LPP: variants seen among roughly 807,000 people sequenced by gnomAD.
LPP encodes lipoma-preferred partner.
A neutral mutation model predicts 60.4 loss-of-function variants in LPP; 38 were observed. The observed-to-expected ratio is 0.63, with a 90% CI of 0.49 to 0.83. LPP has a LOEUF of 0.83. Among genes scored for constraint, LPP ranks in the 40% least tolerant of loss-of-function variants. The pLI, the probability that LPP is intolerant of heterozygous loss-of-function variation, is 0.00. For missense variants in LPP, 902 were observed against 783.6 expected, an observed-to-expected ratio of 1.15 and a Z score of -1.80; for synonymous variants, 328 against 290.8, an observed-to-expected ratio of 1.13 and a Z score of -1.30.
chr3:188,663,094 T>C (rs963173717), intron 7 of LPP, among the ~76,000 whole-genome samples: 5 of 151,980 alleles, frequency 3.3e-5, no homozygotes, highest in African/African-American at 1.2e-4. Flanking sequence ...AAGAAACAAG[T>C]GGGGAGAAAA....
chr3:188,348,940 G>A (rs529465831), intron 3 of LPP, among the ~76,000 whole-genome samples: 1 of 152,316 alleles, frequency 6.6e-6, no homozygotes, highest in East Asian at 1.9e-4. Flanking sequence ...AGACTGGGTT[G>A]AAGGGATCCA....
intron 4 of LPP, among the ~76,000 whole-genome samples, chr3:188,481,345 A>G (rs1000036149): frequency 5.3e-5 from 8 of 152,180 alleles, no homozygotes; most frequent in African/African-American, 1.9e-4. Context: ...AGAACTGAAA[A>G]CTTTGGTCTG....
chr3:188,528,046 G>T (rs889823207), intron 6 of LPP, among the ~76,000 whole-genome samples: 154 of 152,110 alleles, frequency 1.0e-3, no homozygotes, highest in African/African-American at 3.5e-3. Flanking sequence ...GTTTGTCAGG[G>T]AGTAGTTTTA....
At chr3:188,205,331 A>C (rs1297989528) in intron 1 of LPP, among the ~76,000 whole-genome samples, 1 of 122,410 alleles carries the variant, frequency 8.2e-6, no homozygotes, top group Non-Finnish European at 1.6e-5. Context: ...TCCAGGCTGG[A>C]GTGCAATGGT....
chr3:188,598,968 T>C (rs934791192), intron 6 of LPP, among the ~76,000 whole-genome samples: 11 of 152,152 alleles, frequency 7.2e-5, no homozygotes, highest in Admixed American at 5.9e-4. Flanking sequence ...GTCTGGTCCC[T>C]TGAGGAGATG....
intron 1 of LPP, among the ~76,000 whole-genome samples, chr3:188,222,394 T>A (rs1376515914): frequency 6.6e-6 from 1 of 152,198 alleles, no homozygotes; most frequent in Admixed American, 6.5e-5. Context: ...AATTAGTGCA[T>A]ATTGTGTGCA....
chr3:188,452,632 GT>G (rs773679811), intron 4 of LPP, among the ~76,000 whole-genome samples: 118 of 152,128 alleles, frequency 7.8e-4, no homozygotes, highest in Middle Eastern at 3.4e-3. Context: ...AATGCTTTCC[GT>G]TCAGTACTTC....
At chr3:188,779,259 C>CAGACATAT (rs2150829480) in intron 9 of LPP, among the ~76,000 whole-genome samples, 1 of 152,202 alleles carries the variant, frequency 6.6e-6, no homozygotes, top group Non-Finnish European at 1.5e-5. Flanking sequence ...AGGGGTATTG[C>CAGACATAT]AGACATATTC....
intron 5 of LPP, among the ~76,000 whole-genome samples, chr3:188,508,466 T>C (rs1316600381): frequency 6.6e-6 from 1 of 152,224 alleles, no homozygotes; most frequent in Non-Finnish European, 1.5e-5. Flanking sequence ...GAATAATGCA[T>C]TGCTATAATT....
At chr3:188,661,032 A>G (rs762230861) in intron 7 of LPP, among the ~76,000 whole-genome samples, 5 of 152,010 alleles carry the variant, frequency 3.3e-5, no homozygotes, top group Admixed American at 6.6e-5. Flanking sequence ...TAACCCCTGA[A>G]ATTTTTACTG....
chr3:188,203,551 T>TTAAATATATATATA (rs1732106240), intron 1 of LPP, among the ~76,000 whole-genome samples: 3 of 73,300 alleles, frequency 4.1e-5, no homozygotes, highest in Non-Finnish European at 4.9e-5. Context: ...ATATATATAT[T>TTAAATATATATATA]TTTAAATATA....
At chr3:188,441,660 G>A (rs1244515821) in intron 4 of LPP, among the ~76,000 whole-genome samples, 24 of 99,444 alleles carry the variant, frequency 2.4e-4, no homozygotes, top group Non-Finnish European at 3.9e-4. Flanking sequence ...TCGCTCTGTC[G>A]CCCAGGCTGG....
chr3:188,809,052 T>C (rs1750064781), intron 9 of LPP, among the ~76,000 whole-genome samples: 2 of 152,236 alleles, frequency 1.3e-5, no homozygotes, highest in South Asian at 4.1e-4. Context: ...ATGGTGTACA[T>C]GTACCACATT....
In LPP at chr3:188,375,773, T is replaced by A. The variant is rs573052088; in HGVS notation, c.-9-30339T>A. 2.4e-4 allele frequency among the ~76,000 whole-genome samples: 37 copies of A among 151,950 alleles called. 1 individual carries two copies. In the South Asian group the frequency reaches 7.7e-3, roughly 32 times the overall value. Reference sequence around the variant, plus strand: ...CTTTTGAATGTGTTTGCTCTTGCTTTTCTAGTTCTTTTAATTGTGATGTTA... The same window carrying A: ...CTTTTGAATGTGTTTGCTCTTGCTTATCTAGTTCTTTTAATTGTGATGTTA... On this transcript the variant is annotated intron_variant, in intron 3 of 11. Coordinates refer to ENST00000617246, the MANE Select transcript of LPP (RefSeq NM_001375462.1).
chr3:188,810,988 G>T (rs893387149), intron 9 of LPP, among the ~76,000 whole-genome samples: 1 of 151,826 alleles, frequency 6.6e-6, no homozygotes, highest in Non-Finnish European at 1.5e-5. Context: ...CATGTCTTTT[G>T]GTGTACATAT....
intron 7 of LPP, among the ~76,000 whole-genome samples, chr3:188,674,260 A>T (rs548892545): frequency 1.3e-5 from 2 of 152,296 alleles, no homozygotes; most frequent in South Asian, 4.1e-4. Flanking sequence ...CCTACCTTTG[A>T]CTTCCCTGAC....
intron 2 of LPP, among the ~76,000 whole-genome samples, chr3:188,327,506 T>C (rs1758774820): frequency 6.6e-6 from 1 of 152,186 alleles, no homozygotes; most frequent in African/African-American, 2.4e-5. Flanking sequence ...TTTGGAGAGA[T>C]ACTGTCTTTT....
chr3:188,717,337 A>G (rs1024991228), intron 8 of LPP, among the ~76,000 whole-genome samples: 3 of 152,250 alleles, frequency 2.0e-5, no homozygotes, highest in Non-Finnish European at 4.4e-5. Context: ...GAGGATCTCA[A>G]CTGAGAGGTG....
At chr3:188,541,360 TCAG>T (rs1185379274) in intron 6 of LPP, among the ~76,000 whole-genome samples, 2 of 152,186 alleles carry the variant, frequency 1.3e-5, no homozygotes, top group African/African-American at 4.8e-5. Context: ...AAGCTTCTTG[TCAG>T]TCACATGTTT....
Sources: allele counts gnomAD v4.1 joint callset (sites outside exome capture counted in the v4.1 genomes callset), GRCh38; gene constraint gnomAD v4.1.1; transcripts MANE v1.5; gene names NCBI Gene and HGNC (gene_info 2026-07-23, HGNC 2026-07-21).